Variants in LOC101059915 observed in about 807,000 individuals in gnomAD.
the LOC101059915 span, chrX:71,667,813 A>C: frequency 1.9e-6 from 2 of 1,056,490 alleles, no homozygotes; most frequent in Non-Finnish European, 2.4e-6. Context: ...CATGAGCTCC[A>C]CGGATGAAGT....
chrX:71,667,978 T>C, the LOC101059915 span: 3 of 1,164,996 alleles, frequency 2.6e-6, no homozygotes, highest in Non-Finnish European at 3.4e-6. Context: ...CGAGAGCGGG[T>C]TCACAGATCC....
chrX:71,667,616 G>A, the LOC101059915 span: 15 of 322,377 alleles, frequency 4.7e-5, no homozygotes, highest in African/African-American at 2.4e-4. Flanking sequence ...TGAGGGTGGC[G>A]GTGTCCCAAA....
chrX:71,669,108 T>G, the LOC101059915 span: 1 of 1,075,988 alleles, frequency 9.3e-7, no homozygotes, highest in Non-Finnish European at 1.2e-6. Context: ...CTCCTCTGTC[T>G]CCCCCCACCC....
chrX:71,669,652 G>A, the LOC101059915 span: 2 of 970,714 alleles, frequency 2.1e-6, no homozygotes, highest in Non-Finnish European at 1.3e-6. Context: ...CCAAGTACTA[G>A]GAACCTCACA....
chrX:71,667,573 C>A, the LOC101059915 span: 2 of 268,196 alleles, frequency 7.5e-6, no homozygotes, highest in Non-Finnish European at 1.3e-5. Flanking sequence ...GGAAGCCACG[C>A]GCTGTCAGTG....
the LOC101059915 span, chrX:71,670,521 G>T: frequency 2.1e-5 from 22 of 1,070,362 alleles, no homozygotes; most frequent in Non-Finnish European, 2.6e-5. Flanking sequence ...GGCTATGGGG[G>T]CTATAAGGGC....
the LOC101059915 span, chrX:71,667,891 G>A: frequency 1.8e-6 from 2 of 1,114,563 alleles, no homozygotes; most frequent in Admixed American, 3.3e-5. Flanking sequence ...CGCCAGCCCG[G>A]GAGCCCCACG....
chrX:71,667,823 T>A, the LOC101059915 span: 1 of 1,068,799 alleles, frequency 9.4e-7, no homozygotes, highest in South Asian at 2.5e-5. Flanking sequence ...ACGGATGAAG[T>A]GTCCGTTTGC....
At chrX:71,668,621 T>C in the LOC101059915 span, 50 of 1,081,416 alleles carry the variant, frequency 4.6e-5, no homozygotes, top group East Asian at 4.4e-4. Flanking sequence ...CTCACCCCAG[T>C]CGTGGAGAGG....
the LOC101059915 span, chrX:71,670,640 A>G: frequency 1.2e-5 from 13 of 1,101,953 alleles, no homozygotes; most frequent in Middle Eastern, 3.6e-4. Context: ...GAAATTGAAG[A>G]CCTTAGAGAC....
chrX:71,670,461 C>T, the LOC101059915 span: 6 of 1,102,566 alleles, frequency 5.4e-6, no homozygotes, highest in Non-Finnish European at 7.2e-6. Flanking sequence ...GAGTGAGTGC[C>T]TCCTTTCCAT....
At chrX:71,669,987 C>T in the LOC101059915 span, among the ~76,000 whole-genome samples, 4 of 112,542 alleles carry the variant, frequency 3.6e-5, no homozygotes, top group African/African-American at 1.3e-4. Context: ...TCTGTTAAGT[C>T]CTGCTCAGCC....
At chrX:71,671,278 C>T in the LOC101059915 span, 1 of 1,158,989 alleles carries the variant, frequency 8.6e-7, no homozygotes, top group African/African-American at 1.8e-5. Flanking sequence ...TGTCCCTTTC[C>T]ACAGTCCCAG....
At chrX:71,670,793 G>A in the LOC101059915 span, 1 of 1,075,117 alleles carries the variant, frequency 9.3e-7, no homozygotes. Context: ...AGCAGGCCTG[G>A]CCCTGGAGCC....
the LOC101059915 span, chrX:71,671,101 G>A: frequency 8.7e-7 from 1 of 1,151,661 alleles, no homozygotes; most frequent in Non-Finnish European, 1.2e-6. Context: ...CAGTCCCAGG[G>A]CTGGTGGGGT....
the LOC101059915 span, chrX:71,669,116 C>T: frequency 1.9e-3 from 2,009 of 1,063,257 alleles, 18 homozygotes; most frequent in African/African-American, 0.033. Context: ...TCTCCCCCCA[C>T]CCACCTCTCT....
At chrX:71,670,188 C>A in the LOC101059915 span, 2 of 1,148,471 alleles carry the variant, frequency 1.7e-6, no homozygotes, top group Non-Finnish European at 2.3e-6. Context: ...TGGTGCCTCA[C>A]TTTAGACCCT....
At chrX:71,668,486 A>G in the LOC101059915 span, 121 of 1,151,607 alleles carry the variant, frequency 1.1e-4, no homozygotes, top group Non-Finnish European at 1.3e-4. Flanking sequence ...AGCACCAAAG[A>G]AGGAAGCCAG....
chrX:71,671,052 G>T, the LOC101059915 span: 3 of 754,463 alleles, frequency 4.0e-6, no homozygotes, highest in South Asian at 2.0e-4. Flanking sequence ...CTGCTTAGAA[G>T]GCATTTCCAC....
Sources: allele counts gnomAD v4.1 joint callset (sites outside exome capture counted in the v4.1 genomes callset), GRCh38; gene constraint gnomAD v4.1.1; transcripts MANE v1.5.